The following EFHD2 variants were observed in gnomAD, a reference collection of about 807,000 sequenced individuals.
EFHD2 encodes EF-hand domain-containing protein D2.
A neutral mutation model predicts 20.3 loss-of-function variants in EFHD2; 12 were observed. The observed-to-expected ratio is 0.59, with a 90% confidence interval of 0.38 to 0.96. EFHD2 has a LOEUF of 0.96. Among genes scored for constraint, EFHD2 ranks in the 40% least tolerant of loss-of-function variants. The probability of loss-of-function intolerance (pLI) is 0.00; values close to 1 mark genes in which losing one functional copy is unlikely to be tolerated. For synonymous variants in EFHD2, 131 were observed against 143.9 expected, an observed-to-expected ratio of 0.91 and a Z score of 0.64; for missense variants, 250 against 334.3, an observed-to-expected ratio of 0.75 and a Z score of 1.97.
chr1:15,418,419 C>T (rs927216585), intron 1 of EFHD2, among the ~76,000 whole-genome samples: 35 of 150,446 alleles, frequency 2.3e-4, no homozygotes, highest in Admixed American at 2.7e-4. Flanking sequence ...CATTCTCCTG[C>T]CTCAGCCTCC....
chr1:15,429,541 T>C lies in EFHD2; in HGVS notation c.*817T>C, dbSNP rs1007776809. The C allele has an allele frequency of 2.6e-5, 4 of 152,604 alleles. No homozygotes were observed. Among genetic ancestry groups the C allele is most frequent in the African/African-American group, 9.7e-5 (4 of 41,412 alleles). 9.5% of individuals were successfully genotyped at this position (152,604 alleles called of 1,614,324 possible). ...CCCCAGCCAGAACACCCTGAGGGTC[T>C]CGGGGCTCTGGAGAGAGTGGGGCGG... On this transcript the variant is annotated 3_prime_UTR_variant, in exon 4 of 4. Coordinates refer to ENST00000375980, the MANE Select transcript of EFHD2 (RefSeq NM_024329.6).
In EFHD2 at chr1:15,426,112, A is replaced by T; in HGVS notation, c.456+94A>T. The T allele has an allele frequency of 1.6e-6, 2 of 1,275,642 alleles. No homozygotes were observed. The highest frequency in any genetic ancestry group is 1.6e-5 in the African/African-American group (1 of 64,470). The allele number at this position is 1,275,642 out of a possible 1,614,324, so 79.0% of individuals were successfully genotyped here. On this transcript the variant is annotated intron_variant, in intron 2 of 3. Coordinates refer to ENST00000375980, the MANE Select transcript of EFHD2 (RefSeq NM_024329.6). The surrounding 1 kb of genome is among the most constrained non-coding windows in gnomAD (Gnocchi z 4.6). ...ACCAACCCCCACCCTTTGTCAATGA[A>T]TGAATGACATTGCCATTGAACAGCA...
chr1:15,428,463 C>G (rs949537921), intron 3 of EFHD2, 130 bp from the exon 4 acceptor site: 121 of 1,243,310 alleles, frequency 9.7e-5, no homozygotes, highest in Non-Finnish European at 1.2e-4. Flanking sequence ...CGCCATCGCA[C>G]TCCAGCCTGG....
chr1:15,410,484 C>T (rs1447160749), intron 1 of EFHD2, among the ~76,000 whole-genome samples: 1 of 152,084 alleles, frequency 6.6e-6, no homozygotes, highest in African/African-American at 2.4e-5. Flanking sequence ...CTGGGGGACC[C>T]CCGGCCCCTG....
chr1:15,423,721 A>G (rs2473355), intron 1 of EFHD2, among the ~76,000 whole-genome samples: 80,715 of 152,060 alleles, frequency 0.53, 24,154 homozygotes, highest in African/African-American at 0.82. Flanking sequence ...AGAAGGCGAA[A>G]GGAGCTGGGG....
intron 3 of EFHD2, 101 bp from the exon 4 acceptor site, chr1:15,428,492 G>T: frequency 7.1e-7 from 1 of 1,415,408 alleles, no homozygotes; most frequent in South Asian, 1.4e-5. Flanking sequence ...GCGAGACTTT[G>T]TCTCAGAAAA....
chr1:15,418,508 T>C lies in EFHD2; in HGVS notation c.309-7363T>C, dbSNP rs367691521. On this transcript the variant is annotated intron_variant, in intron 1 of 3. Transcript: ENST00000375980. Reference sequence around the variant, plus strand: ...TTTTAGTAGAGACGGGGTTTCACCGTGTTAGCCAGGATGGTCTCAATCTCC... The same window carrying C: ...TTTTAGTAGAGACGGGGTTTCACCGCGTTAGCCAGGATGGTCTCAATCTCC... Among the ~76,000 whole-genome samples the C allele has an allele frequency of 5.9e-4, 90 of 151,428 alleles. No individual in the cohort carries two copies. In the South Asian group the frequency reaches 0.014, roughly 24 times the overall value.
chr1:15,420,248 AACT>A (rs1707765948), intron 1 of EFHD2, among the ~76,000 whole-genome samples: 1 of 152,250 alleles, frequency 6.6e-6, no homozygotes, highest in African/African-American at 2.4e-5. Flanking sequence ...TCAATATAAC[AACT>A]ACTATTACGA....
chr1:15,426,622 A>G lies in EFHD2; in HGVS notation c.457-528A>G, dbSNP rs1222969039. 6.6e-6 allele frequency among the ~76,000 whole-genome samples: 1 copy of G among 152,116 alleles called. No homozygotes were observed. The highest frequency in any genetic ancestry group is 1.5e-5 in the Non-Finnish European group (1 of 68,006). ...GTCTGGCAGGAAGCATGAAGGATGC[A>G]GGGAAGGAGAGAGGTGGCAGGGGCA... On this transcript the variant is annotated intron_variant, in intron 2 of 3. Coordinates refer to ENST00000375980, the MANE Select transcript of EFHD2 (RefSeq NM_024329.6). This position sits in a 1 kb window ranked among gnomAD's most constrained non-coding sequence, Gnocchi z 4.6.
chr1:15,417,455 G>A (rs1707692400), intron 1 of EFHD2, among the ~76,000 whole-genome samples: 1 of 152,166 alleles, frequency 6.6e-6, no homozygotes. Flanking sequence ...TCCAGGTTAG[G>A]ATGCCTTTGA....
chr1:15,424,850 T>A (rs1707846604), intron 1 of EFHD2, among the ~76,000 whole-genome samples: 1 of 151,778 alleles, frequency 6.6e-6, no homozygotes, highest in Non-Finnish European at 1.5e-5. Context: ...GTAAGAAGAG[T>A]CATTTATCAC....
chr1:15,423,515 A>G (rs754995819), intron 1 of EFHD2, among the ~76,000 whole-genome samples: 1 of 152,204 alleles, frequency 6.6e-6, no homozygotes, highest in Non-Finnish European at 1.5e-5. Context: ...GTGCAAGTTT[A>G]TGAGCCCAGC....
At chr1:15,420,470 T>C (rs1386897139) in intron 1 of EFHD2, among the ~76,000 whole-genome samples, 4 of 152,156 alleles carry the variant, frequency 2.6e-5, no homozygotes, top group Non-Finnish European at 5.9e-5. Flanking sequence ...GCCTCCCTAG[T>C]AGCTGGGACC....
intron 3 of EFHD2, 103 bp from the exon 4 acceptor site, chr1:15,428,490 T>G: frequency 7.2e-7 from 1 of 1,393,238 alleles, no homozygotes; most frequent in East Asian, 2.6e-5. Flanking sequence ...GAGCGAGACT[T>G]TGTCTCAGAA....
intron 1 of EFHD2, among the ~76,000 whole-genome samples, chr1:15,411,262 C>G (rs1444919431): frequency 1.3e-5 from 2 of 151,924 alleles, no homozygotes; most frequent in Admixed American, 1.3e-4. Context: ...AAAAGGGGCC[C>G]CTTCCTATGT....
rs751276831 is a variant in EFHD2 at position 15,428,730 on chromosome 1, G to T, written c.*6G>T. Reference sequence around the variant, plus strand: ...TGCAGTCCACCTTTAAGTAGCGGGGGCTGCAGCCGACCGCCCTGCTCCGGC... The same window carrying T: ...TGCAGTCCACCTTTAAGTAGCGGGGTCTGCAGCCGACCGCCCTGCTCCGGC... On this transcript the variant is annotated 3_prime_UTR_variant, in exon 4 of 4. Transcript: ENST00000375980. 1.3e-5 allele frequency: 20 copies of T among 1,574,750 alleles called. No homozygotes were observed. In the South Asian group the frequency reaches 2.2e-4, roughly 17 times the overall value.
chr1:15,417,167 C>A (rs573466578), intron 1 of EFHD2, among the ~76,000 whole-genome samples: 1 of 152,290 alleles, frequency 6.6e-6, no homozygotes, highest in South Asian at 2.1e-4. Context: ...TTAAGAAGCG[C>A]TAAGCCTCGG....
intron 2 of EFHD2, 33 bp from the exon 3 acceptor site, chr1:15,427,117 T>G: frequency 6.2e-7 from 1 of 1,605,712 alleles, no homozygotes; most frequent in African/African-American, 1.3e-5. Context: ...TTCCCTCCCT[T>G]CCTGACACCG....
intron 1 of EFHD2, among the ~76,000 whole-genome samples, chr1:15,418,080 C>T (rs1354798487): frequency 6.8e-6 from 1 of 147,624 alleles, no homozygotes; most frequent in Non-Finnish European, 1.5e-5. Context: ...GCCTCCGCCT[C>T]CCGGGTTCAA....
Sources: allele counts gnomAD v4.1 joint callset (sites outside exome capture counted in the v4.1 genomes callset), GRCh38; gene constraint gnomAD v4.1.1; non-coding constraint Gnocchi (gnomAD v3.1); transcripts MANE v1.5; gene names NCBI Gene and HGNC (gene_info 2026-07-23, HGNC 2026-07-21).